SHD: variants seen among roughly 807,000 people sequenced by gnomAD.
SHD encodes Src homology 2 domain containing transforming protein D, also known as SH2 domain-containing adapter protein D.
A neutral mutation model predicts 31.2 loss-of-function variants in SHD; 29 were observed. That is an observed-to-expected ratio of 0.93 (90% CI 0.69 to 1.27). The LOEUF is 1.27. SHD is among the 50% of genes most tolerant of loss of function. The pLI, the probability that SHD is intolerant of heterozygous loss-of-function variation, is 0.00. For synonymous variants in SHD, 208 were observed against 187.8 expected (o/e 1.11, Z -0.88); for missense variants, 520 against 453.8 (o/e 1.15, Z -1.33).
Position 4,284,871 on chromosome 19 carries a change from G to T in SHD, c.683G>T (p.Arg228Leu). ...CCCAGAAGCCCCCAGCCTGCGGAGCGTGTGGACCCAGCCCTGCCCCTGGAG... is the reference window on the plus strand; with the variant it reads ...CCCAGAAGCCCCCAGCCTGCGGAGCTTGTGGACCCAGCCCTGCCCCTGGAG... ...PPPRSPQPAE[R>L]VDPALPLEKQ... The change falls in exon 4 of 6, where the codon CGT (arginine) becomes CTT (leucine). Residue 228 changes from arginine (R) to leucine (L), a missense_variant. By Grantham distance (102) the Arg-to-Leu change is moderately radical. Coordinates refer to ENST00000543264, the MANE Select transcript of SHD (RefSeq NM_020209.4). 6.2e-7 allele frequency: 1 copy of T among 1,611,128 alleles called. No homozygotes were observed. Among genetic ancestry groups the T allele is most frequent in the East Asian group, 2.2e-5 (1 of 44,736 alleles).
rs189077417 is a variant in SHD at position 4,281,786 on chromosome 19, G to A, written c.298-1084G>A. The stretch of plus-strand genomic sequence containing the variant: ...TAAATAAATAAATAAGAAGTAAGAC[G>A]TTGGTAAGAAGAGCCAGGGACTCGA... On this transcript the variant is annotated intron_variant, in intron 1 of 5. Transcript: ENST00000543264. 7.2e-5 allele frequency among the ~76,000 whole-genome samples: 11 copies of A among 152,088 alleles called. No individual in the cohort carries two copies. In the East Asian group the frequency reaches 1.7e-3, roughly 24 times the overall value.
intron 3 of SHD, among the ~76,000 whole-genome samples, chr19:4,283,497 A>G (rs1971277485): frequency 6.6e-6 from 1 of 152,042 alleles, no homozygotes; most frequent in Non-Finnish European, 1.5e-5. Flanking sequence ...TGGTGTGGGG[A>G]GAGGAATATG....
chr19:4,290,073 A>G (rs1228150771), intron 5 of SHD, among the ~76,000 whole-genome samples: 1 of 148,708 alleles, frequency 6.7e-6, no homozygotes, highest in Non-Finnish European at 1.5e-5. Flanking sequence ...ATGGGGTTTC[A>G]CCATGTTGGC....
At chr19:4,283,366 AT>A in intron 3 of SHD, 124 bp downstream of exon 3, 1 of 1,022,498 alleles carries the variant, frequency 9.8e-7, no homozygotes, top group Non-Finnish European at 1.4e-6. Context: ...TAGTTTGTTA[AT>A]TCTCACTAGA....
In SHD at chr19:4,288,225, T is replaced by C. The variant is rs771945795; in HGVS notation, c.717-18T>C. On this transcript the variant is annotated intron_variant, in intron 4 of 5. Transcript: ENST00000543264. ...GAAGGGAATGGCCCTTGATGAGACA[T>C]CTGTCCATACTCGCTAGGTGGTTTC... 86 of 1,610,936 alleles carry C rather than the reference T, an allele frequency of 5.3e-5. No homozygotes were observed. Among genetic ancestry groups the C allele is most frequent in the Non-Finnish European group, 7.0e-5 (83 of 1,178,386 alleles).
At chr19:4,286,950 G>C (rs891044049) in intron 4 of SHD, among the ~76,000 whole-genome samples, 1 of 128,456 alleles carries the variant, frequency 7.8e-6, no homozygotes, top group African/African-American at 2.9e-5. Context: ...AGCACTTTGG[G>C]AGGCTGAAGC....
chr19:4,279,539 C>A lies in SHD; in HGVS notation c.-525C>A, dbSNP rs1228657109. 1 of 152,570 alleles carries A rather than the reference C, an allele frequency of 6.6e-6. No individual in the cohort carries two copies. Among genetic ancestry groups the A allele is most frequent in the Non-Finnish European group, 1.5e-5 (1 of 68,352 alleles). 9.5% of individuals were successfully genotyped at this position (152,570 alleles called of 1,614,324 possible). A position where few individuals can be genotyped will look rare whatever the true frequency, so the allele number is the denominator to read the frequency against. On this transcript the variant is annotated 5_prime_UTR_variant, in exon 1 of 6. The change creates a premature stop within an existing upstream ORF in the 5' untranslated region. Transcript: ENST00000543264. The surrounding 1 kb of genome is among the most constrained non-coding windows in gnomAD (Gnocchi z 7.5). The stretch of plus-strand genomic sequence containing the variant: ...TCACAGTCTCCGCGGCCCAACTTTG[C>A]GCGCGGCGCCCGCGCCCCTGGGGAG...
chr19:4,286,724 T>G (rs543948709), intron 4 of SHD, among the ~76,000 whole-genome samples: 1 of 148,196 alleles, frequency 6.7e-6, no homozygotes, highest in Admixed American at 6.8e-5. Context: ...ATGGTGAAAC[T>G]CCATCATTAG....
At chr19:4,286,259 CT>C (rs1568369404) in intron 4 of SHD, among the ~76,000 whole-genome samples, 54 of 115,330 alleles carry the variant, frequency 4.7e-4, no homozygotes, top group African/African-American at 1.5e-3. Context: ...TTCTTTCTTT[CT>C]CTCTTTCTTT....
At chr19:4,287,030 A>ATT (rs1971326854) in intron 4 of SHD, among the ~76,000 whole-genome samples, 1 of 151,674 alleles carries the variant, frequency 6.6e-6, no homozygotes, top group Non-Finnish European at 1.5e-5. Flanking sequence ...CTCTACTAAA[A>ATT]ATAGAAAAAA....
chr19:4,285,158 C>T (rs1316651610), intron 4 of SHD, among the ~76,000 whole-genome samples: 3 of 152,192 alleles, frequency 2.0e-5, no homozygotes, highest in African/African-American at 4.8e-5. Context: ...TCCTGCTCTC[C>T]TCTCCTGGCT....
In SHD at chr19:4,280,123, G is replaced by A. The variant is rs757636751; in HGVS notation, c.60G>A (p.Pro20=). Residue 20 remains proline (P), a synonymous_variant, in exon 1 of 6, where the codon CCG becomes CCA. Transcript: ENST00000543264. ...SFGGRRPPPQ[P]PTPDYTESDI... is the part of the protein sequence containing the mutation. ...GGGGTCGGAGGCCCCCTCCGCAGCC[G>A]CCCACCCCGGACTACACCGAGAGCG... is the stretch of plus-strand genomic sequence containing the variant. 32 of 1,613,172 alleles carry A rather than the reference G, an allele frequency of 2.0e-5. No individual in the cohort carries two copies. The highest frequency in any genetic ancestry group is 1.3e-4 in the Admixed American group (8 of 59,884).
rs777892808 is a variant in SHD at position 4,290,553 on chromosome 19, C to T, written c.943C>T (p.His315Tyr). 1.2e-6 allele frequency: 2 copies of T among 1,613,726 alleles called. No individual in the cohort carries two copies. The highest frequency in any genetic ancestry group is 4.5e-5 in the East Asian group (2 of 44,872). Residue 315 changes from histidine to tyrosine, a missense_variant, in exon 6 of 6, where the codon CAC (histidine) becomes TAC (tyrosine). Physicochemically the swap from His to Tyr is moderately conservative, Grantham distance 83. Coordinates refer to ENST00000543264, the MANE Select transcript of SHD (RefSeq NM_020209.4). Reference sequence around the variant, plus strand: ...CCCCAGCGTGCCCGAGCTCGTCCTCCACTACAGTTCACGCCCACTGCCGGT... The same window carrying T: ...CCCCAGCGTGCCCGAGCTCGTCCTCTACTACAGTTCACGCCCACTGCCGGT... ...PFPSVPELVLHYSSRPLPVQG... is the reference protein window; with the variant it reads ...PFPSVPELVLYYSSRPLPVQG...
intron 5 of SHD, among the ~76,000 whole-genome samples, chr19:4,289,220 C>T (rs891281448): frequency 2.8e-4 from 41 of 148,998 alleles, no homozygotes; most frequent in Non-Finnish European, 5.3e-4. Context: ...ACGCCATTCT[C>T]CTGCCTCAGC....
At chr19:4,287,071 T>C (rs1252460649) in intron 4 of SHD, among the ~76,000 whole-genome samples, 5 of 149,872 alleles carry the variant, frequency 3.3e-5, no homozygotes, top group South Asian at 2.1e-4. Context: ...CAGTGGCTCA[T>C]GCCTGTAATC....
At chr19:4,284,177 C>G (rs368991790) in intron 3 of SHD, among the ~76,000 whole-genome samples, 2 of 151,784 alleles carry the variant, frequency 1.3e-5, no homozygotes, top group Non-Finnish European at 1.5e-5. Context: ...TGGTGCATGC[C>G]GGTAATCCCA....
intron 3 of SHD, among the ~76,000 whole-genome samples, chr19:4,283,836 C>T (rs58034343): frequency 6.6e-6 from 1 of 151,030 alleles, no homozygotes; most frequent in South Asian, 2.1e-4. Flanking sequence ...CCTCGGCCTC[C>T]CAAAGTGCTG....
intron 4 of SHD, among the ~76,000 whole-genome samples, chr19:4,287,168 G>C (rs1317100846): frequency 6.6e-6 from 1 of 151,288 alleles, no homozygotes. Flanking sequence ...CAGTCTTTAC[G>C]AAAAATGCAA....
In SHD at chr19:4,286,279, CTTTTTTT is replaced by C. The variant is rs56363561; in HGVS notation, c.716+1376_716+1382del. ...TCTTTCTCTCTTTCTTTCTTTCTTT[CTTTTTTT>C]CTTTCCTTCCTTCCTTCCTTCCTTC... On this transcript the variant is annotated intron_variant, in intron 4 of 5. Coordinates refer to ENST00000543264, the MANE Select transcript of SHD (RefSeq NM_020209.4). Among the ~76,000 whole-genome samples the C allele has an allele frequency of 7.5e-3, 865 of 115,776 alleles. 18 individuals are homozygous for C. The highest frequency in any genetic ancestry group is 0.011 in the Admixed American group (120 of 10,470). The allele number at this position is 115,776 out of a possible 152,430, so 76.0% of individuals were successfully genotyped here.
Sources: allele counts gnomAD v4.1 joint callset (sites outside exome capture counted in the v4.1 genomes callset), GRCh38; gene constraint gnomAD v4.1.1; non-coding constraint Gnocchi (gnomAD v3.1); transcripts MANE v1.5; gene names NCBI Gene and HGNC (gene_info 2026-07-23, HGNC 2026-07-21).